ACTR1A: variants seen among roughly 807,000 people sequenced by gnomAD.
ACTR1A encodes the protein actin related protein 1A, also known as alpha-centractin.
ACTR1A carries 10 observed loss-of-function variants against 50.7 expected under a neutral mutation model. That is an observed-to-expected ratio of 0.20 (90% CI 0.12 to 0.33). The LOEUF (loss-of-function observed/expected upper bound fraction) is 0.33. Ranked by LOEUF, ACTR1A falls within the 10% of genes least tolerant of loss-of-function variation. The pLI is 1.00. For synonymous variants in ACTR1A, 177 were observed against 184.2 expected (o/e 0.96, Z 0.32); for missense variants, 253 against 491.7 (o/e 0.51, Z 4.59).
intron 4 of ACTR1A, 21 bp from the exon 5 acceptor site, chr10:102,485,754 G>A (rs760348175): frequency 3.1e-6 from 5 of 1,613,342 alleles, no homozygotes; most frequent in Non-Finnish European, 4.2e-6. Context: ...GAGCCCGGGA[G>A]ACAATGAGGC....
Position 102,482,898 on chromosome 10 carries a change from G to A in ACTR1A, c.750+113C>T, listed in dbSNP as rs992084190. On this transcript the variant is annotated intron_variant, in intron 7 of 10. Coordinates refer to ENST00000369905, the MANE Select transcript of ACTR1A (RefSeq NM_005736.4). The surrounding 1 kb of genome is among the most constrained non-coding windows in gnomAD (Gnocchi z 5.6). ...AGCCCATGGGCCAGGGGTTGGACAA[G>A]CTTGGTGTAAAGGGACTGGCCTGCC... 5.8e-6 allele frequency: 5 copies of A among 864,888 alleles called. No homozygotes were observed. The highest frequency in any genetic ancestry group is 9.6e-6 in the Non-Finnish European group (5 of 521,984). The allele number at this position is 864,888 out of a possible 1,614,324, so 53.6% of individuals were successfully genotyped here. A position where few individuals can be genotyped will look rare whatever the true frequency, so the allele number is the denominator to read the frequency against.
rs1317202367 is a variant in ACTR1A at position 102,480,590 on chromosome 10, CA to C, written c.*272del. ...GAGTCCCCCACAGCCAGCCAGAGGC[CA>C]CCTGAGGAGGGAGCACAGCCTCTGC... On this transcript the variant is annotated 3_prime_UTR_variant, in exon 11 of 11. Transcript: ENST00000369905. 1.6e-5 allele frequency: 8 copies of C among 484,916 alleles called. No homozygotes were observed. The highest frequency in any genetic ancestry group is 3.0e-5 in the Non-Finnish European group (8 of 268,904). The allele number at this position is 484,916 out of a possible 1,614,324, so 30.0% of individuals were successfully genotyped here.
chr10:102,487,356 G>A (rs1266861548), intron 4 of ACTR1A, among the ~76,000 whole-genome samples: 2 of 152,150 alleles, frequency 1.3e-5, no homozygotes, highest in Admixed American at 1.3e-4. Flanking sequence ...AGAGGTTGCA[G>A]TGAGCCTAGA....
At chr10:102,490,323 C>T (rs2062186236) in intron 2 of ACTR1A, among the ~76,000 whole-genome samples, 1 of 151,508 alleles carries the variant, frequency 6.6e-6, no homozygotes, top group Non-Finnish European at 1.5e-5. Context: ...GAGGGCTCCA[C>T]CAAGAGGCAA....
At chr10:102,496,822 A>T (rs1432639387) in intron 1 of ACTR1A, among the ~76,000 whole-genome samples, 1 of 152,220 alleles carries the variant, frequency 6.6e-6, no homozygotes, top group Non-Finnish European at 1.5e-5. Context: ...TAGATAACTG[A>T]TAAGATTAAG....
intron 5 of ACTR1A, among the ~76,000 whole-genome samples, 196 bp from the exon 6 acceptor site, chr10:102,484,572 T>G (rs2062158076): frequency 6.6e-6 from 1 of 152,160 alleles, no homozygotes; most frequent in Admixed American, 6.5e-5. Context: ...AAGTTGCTGA[T>G]CTTCTCCAAG....
chr10:102,495,349 C>G (rs7898507), intron 1 of ACTR1A, among the ~76,000 whole-genome samples: 53,173 of 151,514 alleles, frequency 0.35, 9,454 homozygotes, highest in African/African-American at 0.39. Flanking sequence ...GCGGGCAGAT[C>G]ACGAGGTCAG....
intron 4 of ACTR1A, among the ~76,000 whole-genome samples, chr10:102,486,592 C>T (rs2062169207): frequency 6.6e-6 from 1 of 152,058 alleles, no homozygotes; most frequent in Admixed American, 6.6e-5. Flanking sequence ...CTCAGGAAGG[C>T]TCAGGCAGGA....
In ACTR1A at chr10:102,488,009, A is replaced by T. The variant is rs576212699; in HGVS notation, c.315+141T>A. 191 of 912,568 alleles carry T rather than the reference A, an allele frequency of 2.1e-4. No homozygotes were observed. The highest frequency in any genetic ancestry group is 2.9e-4 in the Non-Finnish European group (180 of 614,982). The allele number at this position is 912,568 out of a possible 1,614,324, so 56.5% of individuals were successfully genotyped here. A position where few individuals can be genotyped will look rare whatever the true frequency, so the allele number is the denominator to read the frequency against. ...CCTATATCTCATAGGAATGGTGTTA[A>T]GATTAAATCTGAATATGCCTGAAAA... On this transcript the variant is annotated intron_variant, in intron 4 of 10. Coordinates refer to ENST00000369905, the MANE Select transcript of ACTR1A (RefSeq NM_005736.4). This position sits in a 1 kb window ranked among gnomAD's most constrained non-coding sequence, Gnocchi z 4.4.
chr10:102,484,697 C>A (rs1025765607), intron 5 of ACTR1A, among the ~76,000 whole-genome samples: 1 of 152,142 alleles, frequency 6.6e-6, no homozygotes, highest in African/African-American at 2.4e-5. Flanking sequence ...AAGGCAAAAA[C>A]CCTCAAATGT....
intron 1 of ACTR1A, among the ~76,000 whole-genome samples, chr10:102,496,064 G>C (rs952477037): frequency 6.6e-6 from 1 of 152,186 alleles, no homozygotes; most frequent in African/African-American, 2.4e-5. Context: ...TCCTGCCTCA[G>C]CCTCCTGCAT....
chr10:102,484,910 T>C (rs1257770715), intron 5 of ACTR1A, among the ~76,000 whole-genome samples: 1 of 152,128 alleles, frequency 6.6e-6, no homozygotes, highest in Non-Finnish European at 1.5e-5. Flanking sequence ...GGACAGGCTG[T>C]GGGGAGGGTG....
chr10:102,500,042 A>T (rs1299538348), intron 1 of ACTR1A, among the ~76,000 whole-genome samples: 3 of 152,020 alleles, frequency 2.0e-5, no homozygotes, highest in Non-Finnish European at 4.4e-5. Flanking sequence ...TCTTTCTTAA[A>T]TTTTTTTTCC....
Position 102,482,317 on chromosome 10 carries a change from A to G in ACTR1A, c.751-142T>C. On this transcript the variant is annotated intron_variant, in intron 7 of 10. Transcript: ENST00000369905. This position sits in a 1 kb window ranked among gnomAD's most constrained non-coding sequence, Gnocchi z 5.6. ...GGCTCAAGACAGACTCTACATGTCAAGGGCTTAAAGGAACAAAGATAGGCC... is the reference window on the plus strand; with the variant it reads ...GGCTCAAGACAGACTCTACATGTCAGGGGCTTAAAGGAACAAAGATAGGCC... 1.4e-6 allele frequency: 1 copy of G among 738,318 alleles called. No individual in the cohort carries two copies. The highest frequency in any genetic ancestry group is 2.2e-6 in the Non-Finnish European group (1 of 449,804). 45.7% of individuals were successfully genotyped at this position (738,318 alleles called of 1,614,324 possible).
At chr10:102,502,137 C>G (rs74153158) in intron 1 of ACTR1A, among the ~76,000 whole-genome samples, 33 of 152,352 alleles carry the variant, frequency 2.2e-4, no homozygotes, top group African/African-American at 7.5e-4. Context: ...TGGAGCACTG[C>G]CCCGCCCCTT....
chr10:102,491,251 C>T (rs771262932), intron 1 of ACTR1A, among the ~76,000 whole-genome samples: 4 of 152,180 alleles, frequency 2.6e-5, no homozygotes, highest in Non-Finnish European at 5.9e-5. Flanking sequence ...TACCTAGAAG[C>T]ATCAAAGCAG....
chr10:102,479,691 T>C lies in ACTR1A; in HGVS notation c.*1172A>G, dbSNP rs1207421945. On this transcript the variant is annotated 3_prime_UTR_variant, in exon 11 of 11. Transcript: ENST00000369905. This position sits in a 1 kb window ranked among gnomAD's most constrained non-coding sequence, Gnocchi z 4.0. Reference sequence around the variant, plus strand: ...AGGGGGCCTTCCCACCTCTACAACCTAGTCCCCTGGTCAGCTACAGTGGCA... The same window carrying C: ...AGGGGGCCTTCCCACCTCTACAACCCAGTCCCCTGGTCAGCTACAGTGGCA... 7.8e-7 allele frequency: 1 copy of C among 1,289,128 alleles called. No individual in the cohort carries two copies. Among genetic ancestry groups the C allele is most frequent in the African/African-American group, 1.5e-5 (1 of 65,976 alleles). The allele number at this position is 1,289,128 out of a possible 1,614,324, so 79.9% of individuals were successfully genotyped here. A position where few individuals can be genotyped will look rare whatever the true frequency, so the allele number is the denominator to read the frequency against.
In ACTR1A at chr10:102,482,174, A is replaced by G. The variant is rs201449627; in HGVS notation, c.752T>C (p.Ile251Thr). 2.0e-5 allele frequency: 33 copies of G among 1,611,616 alleles called. No individual in the cohort carries two copies. The highest frequency in any genetic ancestry group is 2.7e-5 in the Non-Finnish European group (32 of 1,179,994). Residue 251 changes from isoleucine to threonine, a missense_variant and splice_region_variant, in exon 8 of 11, where the codon ATT (isoleucine) becomes ACT (threonine). Physicochemically the swap from Ile to Thr is moderately conservative, Grantham distance 89. This residue lies in a region of ACTR1A where 116 missense variants were observed against 155.9 expected (regional missense o/e 0.74). Coordinates refer to ENST00000369905, the MANE Select transcript of ACTR1A (RefSeq NM_005736.4). The surrounding 1 kb of genome is among the most constrained non-coding windows in gnomAD (Gnocchi z 5.6). ...YYLPDGSTIE[I>T]GPSRFRAPEL... ...AGGGGCCCGGAATCGGGAAGGACCA[A>G]TCTGCAGGTAGGAGGGCCAGCTGAA...
chr10:102,492,849 C>A (rs1273668221), intron 1 of ACTR1A, among the ~76,000 whole-genome samples: 4 of 151,644 alleles, frequency 2.6e-5, no homozygotes, highest in Admixed American at 6.6e-5. Context: ...ACTACAAATA[C>A]AAAAATTAGC....
Sources: gnomAD v4.1 joint callset for allele counts (sites outside exome capture counted in the v4.1 genomes callset) on GRCh38, gnomAD v4.1.1 for gene constraint, gnomAD v4.1.1 regional missense constraint, Gnocchi (gnomAD v3.1) non-coding constraint, MANE v1.5 for transcripts, NCBI Gene and HGNC (gene_info 2026-07-23, HGNC 2026-07-21) for gene names.